DST: variants seen among roughly 807,000 people sequenced by gnomAD.
DST encodes the protein bullous pemphigoid antigen.
DST carries 253 observed loss-of-function variants against 875.2 expected under a neutral mutation model. The observed-to-expected ratio is 0.29, with a 90% CI of 0.26 to 0.32. The LOEUF (loss-of-function observed/expected upper bound fraction) is 0.32. Among genes scored for constraint, DST ranks in the 10% least tolerant of loss-of-function variants. The pLI, the probability that DST is intolerant of heterozygous loss-of-function variation, is 1.00. For missense variants in DST, 8,287 were observed against 9,111.6 expected, an observed-to-expected ratio of 0.91 and a Z score of 3.68; for synonymous variants, 3,124 against 3,197.1, an observed-to-expected ratio of 0.98 and a Z score of 0.77.
chr6:56,774,803 A>C (rs1198633717), intron 4 of DST, among the ~76,000 whole-genome samples: 1 of 151,884 alleles, frequency 6.6e-6, no homozygotes, highest in Non-Finnish European at 1.5e-5. Context: ...GACCAGCCTG[A>C]CCAACATGGA....
intron 2 of DST, among the ~76,000 whole-genome samples, chr6:56,945,251 G>A (rs1282658118): frequency 6.6e-6 from 1 of 152,098 alleles, no homozygotes; most frequent in Non-Finnish European, 1.5e-5. Flanking sequence ...GTTGGGGAAG[G>A]GGATGCAGAG....
intron 10 of DST, among the ~76,000 whole-genome samples, chr6:56,654,673 T>C (rs1410691163): frequency 6.6e-6 from 1 of 151,462 alleles, no homozygotes; most frequent in Non-Finnish European, 1.5e-5. Flanking sequence ...TATATGGATA[T>C]AGTATAAGGA....
chr6:56,918,701 A>G (rs1385394316), intron 2 of DST, among the ~76,000 whole-genome samples: 1 of 152,192 alleles, frequency 6.6e-6, no homozygotes, highest in Admixed American at 6.5e-5. Context: ...ATCTCCATCA[A>G]CACTGGATAA....
chr6:56,916,736 ATCT>A (rs1246255165), intron 2 of DST, among the ~76,000 whole-genome samples: 2 of 133,038 alleles, frequency 1.5e-5, no homozygotes, highest in South Asian at 2.4e-4. Context: ...CTGAGACAAG[ATCT>A]TCTCTCTCTC....
intron 49 of DST, among the ~76,000 whole-genome samples, chr6:56,586,591 C>A (rs1399033393): frequency 6.6e-6 from 1 of 152,000 alleles, no homozygotes; most frequent in Admixed American, 6.5e-5. Flanking sequence ...ATTTAGAGAA[C>A]GGGCAGATTG....
At chr6:56,482,991 C>T (rs1441798108) in intron 88 of DST, 114 bp from the exon 89 acceptor site, 2 of 701,940 alleles carry the variant, frequency 2.8e-6, no homozygotes, top group Non-Finnish European at 4.1e-6. Flanking sequence ...CTAAGACCTA[C>T]AGTTTAATAA....
At chr6:56,874,015 G>A (rs1436018846) in intron 3 of DST, among the ~76,000 whole-genome samples, 1 of 152,086 alleles carries the variant, frequency 6.6e-6, no homozygotes, top group East Asian at 1.9e-4. Flanking sequence ...GACTGAGGTG[G>A]GAGGATCACT....
chr6:56,531,093 T>A (rs2096889213), intron 64 of DST, among the ~76,000 whole-genome samples: 2 of 152,166 alleles, frequency 1.3e-5, no homozygotes, highest in Admixed American at 1.3e-4. Context: ...ATATATTTGA[T>A]CCTAAAAATG....
chr6:56,602,076 T>C lies in DST; in HGVS notation c.11308-400A>G, dbSNP rs79741515. 2.9e-3 allele frequency: 1,010 copies of C among 352,162 alleles called. 10 individuals are homozygous for C. The highest frequency in any genetic ancestry group is 0.021 in the African/African-American group (948 of 45,208). 21.8% of individuals were successfully genotyped at this position (352,162 alleles called of 1,614,324 possible). A position where few individuals can be genotyped will look rare whatever the true frequency, so the allele number is the denominator to read the frequency against. On this transcript the variant is annotated intron_variant, in intron 43 of 103. Coordinates refer to ENST00000680361, the MANE Select transcript of DST (RefSeq NM_001374736.1). Reference sequence around the variant, plus strand: ...TTGTGGTAAGATATAAATAATACTTTGAGGGATTTGAAATATGAATGAAAT... The same window carrying C: ...TTGTGGTAAGATATAAATAATACTTCGAGGGATTTGAAATATGAATGAAAT...
At chr6:56,724,234 A>G (rs909429801) in intron 5 of DST, among the ~76,000 whole-genome samples, 1 of 152,230 alleles carries the variant, frequency 6.6e-6, no homozygotes, top group Non-Finnish European at 1.5e-5. Flanking sequence ...GAGGTAAAAG[A>G]AAGGATAATA....
chr6:56,561,416 A>G lies in DST; in HGVS notation c.14202T>C (p.Ser4734=). The change falls in exon 57 of 104, where the codon AGT becomes AGC. Residue 4734 remains serine, a synonymous_variant. Transcript: ENST00000680361. ...SKLQKAQEES[S]AMMQWLQKMN... is the part of the protein sequence containing the mutation. ...TTTTCTGTAACCACTGCATCATTGC[A>G]CTTGATTCTTCCTGAGCCTTTTGCA... 1 of 1,613,852 alleles carries G rather than the reference A, an allele frequency of 6.2e-7. No homozygotes were observed. The highest frequency in any genetic ancestry group is 8.5e-7 in the Non-Finnish European group (1 of 1,179,814).
chr6:56,491,226 C>T (rs78801074), intron 85 of DST, among the ~76,000 whole-genome samples: 3,842 of 152,262 alleles, frequency 0.025, 74 homozygotes, highest in Non-Finnish European at 0.043. Flanking sequence ...CTCAAGCCTT[C>T]AAACATTTGT....
Position 56,466,133 on chromosome 6 carries a change from A to G in DST, c.22632T>C (p.Val7544=). The stretch of plus-strand genomic sequence containing the variant: ...CATCAAGTGCCATCCATCCACCTCC[A>G]ACACGAACCATCACAGTACTCCGCA... ...RILRSTVMVR[V]GGGWMALDEF... Residue 7544 remains valine (V), a synonymous_variant, in exon 99 of 104, where the codon GTT becomes GTC. Transcript: ENST00000680361. 1 of 1,613,522 alleles carries G rather than the reference A, an allele frequency of 6.2e-7. No homozygotes were observed. Among genetic ancestry groups the G allele is most frequent in the Non-Finnish European group, 8.5e-7 (1 of 1,179,752 alleles).
intron 4 of DST, among the ~76,000 whole-genome samples, chr6:56,798,275 A>G (rs1236394320): frequency 6.6e-6 from 1 of 152,198 alleles, no homozygotes; most frequent in Non-Finnish European, 1.5e-5. Flanking sequence ...CCTGGCTTTA[A>G]AGCTTCAAAA....
At chr6:56,741,497 G>A (rs2099546755) in intron 4 of DST, among the ~76,000 whole-genome samples, 1 of 152,138 alleles carries the variant, frequency 6.6e-6, no homozygotes, top group Non-Finnish European at 1.5e-5. Flanking sequence ...AATGCTACAG[G>A]AATGAGAAAA....
At chr6:56,636,066 T>C (rs951975367) in intron 23 of DST, among the ~76,000 whole-genome samples, 3 of 152,122 alleles carry the variant, frequency 2.0e-5, no homozygotes, top group Non-Finnish European at 4.4e-5. Flanking sequence ...TATAGATGGT[T>C]GATTCTCTAT....
chr6:56,917,922 C>T (rs1019824810), intron 2 of DST, among the ~76,000 whole-genome samples: 132 of 152,194 alleles, frequency 8.7e-4, no homozygotes, highest in African/African-American at 3.2e-3. Context: ...AAATTGCAAC[C>T]CTTTTTTGAA....
At chr6:56,731,520 G>C (rs1336600386) in intron 5 of DST, among the ~76,000 whole-genome samples, 1 of 152,194 alleles carries the variant, frequency 6.6e-6, no homozygotes, top group Non-Finnish European at 1.5e-5. Flanking sequence ...TAGGTTCCTT[G>C]AGATTTTCTT....
rs562495821 is a variant in DST at position 56,700,772 on chromosome 6, A to C, written c.955-1027T>G. On this transcript the variant is annotated intron_variant, in intron 8 of 103. Transcript: ENST00000680361. ...TTTACTTCTTGGACAAAATGCTGCC[A>C]GAAAACATTTCAGAAGTATCCATCT... Among the ~76,000 whole-genome samples the C allele has an allele frequency of 1.2e-3, 184 of 152,302 alleles. 2 individuals are homozygous for C. The highest frequency in any genetic ancestry group is 1.5e-3 in the Non-Finnish European group (101 of 68,022).
Sources: allele counts gnomAD v4.1 joint callset (sites outside exome capture counted in the v4.1 genomes callset), GRCh38; gene constraint gnomAD v4.1.1; transcripts MANE v1.5; gene names NCBI Gene and HGNC (gene_info 2026-07-23, HGNC 2026-07-21).